FAAH2: variants seen among roughly 807,000 people sequenced by gnomAD.
FAAH2 encodes fatty acid amide hydrolase 2.
Under a neutral mutation model 36.9 loss-of-function variants are expected in FAAH2, and 60 were observed. That is an observed-to-expected ratio of 1.63 (90% CI 1.32 to 2.02). FAAH2 has a LOEUF of 2.02. FAAH2 is among the 30% of genes most tolerant of loss of function. The pLI is 0.00. For synonymous variants in FAAH2, 214 were observed against 143.8 expected (o/e 1.49, Z -3.49); for missense variants, 689 against 397.5 (o/e 1.73, Z -6.23).
chrX:57,223,880 T>C, the FAAH2 span, among the ~76,000 whole-genome samples: 1 of 111,587 alleles, frequency 9.0e-6, no homozygotes, highest in South Asian at 3.7e-4. Flanking sequence ...CATCCTTAGG[T>C]ATAAAATGGG....
At chrX:57,292,387 T>C (rs1193657441) in intron 1 of FAAH2, 111 bp from the exon 2 acceptor site, 2 of 665,292 alleles carry the variant, frequency 3.0e-6, no homozygotes, top group East Asian at 7.1e-5. Context: ...TGTAATTCAC[T>C]GAAAGTGTCT....
intron 7 of FAAH2, among the ~76,000 whole-genome samples, chrX:57,419,059 A>C (rs1349306318): frequency 9.4e-6 from 1 of 106,358 alleles, no homozygotes; most frequent in Non-Finnish European, 1.9e-5. Flanking sequence ...ATCATTTTTT[A>C]TGGCTGCATA....
At chrX:57,473,245 CA>C (rs1459691621) in intron 10 of FAAH2, among the ~76,000 whole-genome samples, 2 of 110,998 alleles carry the variant, frequency 1.8e-5, no homozygotes, top group East Asian at 5.6e-4. Flanking sequence ...TTATACACTT[CA>C]ATTTTTTTTA....
intron 7 of FAAH2, among the ~76,000 whole-genome samples, chrX:57,416,263 G>T (rs949460066): frequency 1.1e-4 from 12 of 111,459 alleles, no homozygotes; most frequent in African/African-American, 3.6e-4. Flanking sequence ...ATTTGATCCT[G>T]TCATTATGAA....
intron 3 of FAAH2, among the ~76,000 whole-genome samples, chrX:57,326,336 C>T (rs1301478780): frequency 8.8e-6 from 1 of 113,929 alleles, no homozygotes; most frequent in Non-Finnish European, 1.9e-5. Flanking sequence ...GTGGAGAGTT[C>T]TGTAGGTGTC....
At chrX:57,300,720 G>C (rs1163306172) in intron 2 of FAAH2, among the ~76,000 whole-genome samples, 1 of 111,614 alleles carries the variant, frequency 9.0e-6, no homozygotes, top group Non-Finnish European at 1.9e-5. Context: ...ATCTGACAAA[G>C]GGCTAATATC....
At chrX:57,286,448 G>C (rs773157541), upstream of FAAH2, among the ~76,000 whole-genome samples, 2 of 111,486 alleles carry the variant, frequency 1.8e-5, no homozygotes, top group South Asian at 7.6e-4. Context: ...CTTTGATATA[G>C]GAGTAGTTAT....
At chrX:57,340,357 A>G (rs1290747884) in intron 4 of FAAH2, among the ~76,000 whole-genome samples, 2 of 111,862 alleles carry the variant, frequency 1.8e-5, no homozygotes, top group South Asian at 3.8e-4. Flanking sequence ...CTCCTTTGCA[A>G]CACTCTCACA....
intron 4 of FAAH2, among the ~76,000 whole-genome samples, chrX:57,334,016 G>A (rs2053476916): frequency 9.0e-6 from 1 of 110,873 alleles, no homozygotes; most frequent in African/African-American, 3.3e-5. Context: ...ATAAGAGATG[G>A]GAGTCCACTT....
At chrX:57,426,514 T>C (rs1204735639) in intron 7 of FAAH2, among the ~76,000 whole-genome samples, 1 of 111,749 alleles carries the variant, frequency 8.9e-6, no homozygotes, top group African/African-American at 3.2e-5. Context: ...AAAACAAGCC[T>C]CAATAAGTTT....
At chrX:57,393,606 G>A (rs1364398571) in intron 7 of FAAH2, 3 of 884,022 alleles carry the variant, frequency 3.4e-6, no homozygotes, top group South Asian at 2.0e-5. Context: ...TCCTTCATAA[G>A]CACTATCAAT....
the FAAH2 span, among the ~76,000 whole-genome samples, chrX:57,165,853 C>A: frequency 9.0e-6 from 1 of 110,618 alleles, no homozygotes; most frequent in Admixed American, 9.6e-5. Flanking sequence ...TGCCTGCAGA[C>A]CTAAGTGAGG....
In FAAH2 at chrX:57,448,695, G is replaced by A. The variant is rs2056729789; in HGVS notation, c.1400G>A (p.Arg467Gln). 4 of 1,208,667 alleles carry A rather than the reference G, an allele frequency of 3.3e-6. No homozygotes were observed. The highest frequency in any genetic ancestry group is 1.7e-5 in the African/African-American group (1 of 57,593). The change falls in exon 10 of 11, where the codon CGG becomes CAG. Residue 467 changes from arginine (R) to glutamine (Q), a missense_variant. Physicochemically the swap from Arg to Gln is conservative, Grantham distance 43. Transcript: ENST00000374900. ...VAPKHHVPLT[R>Q]PFNFAYTGVF... ...CCTAAGCATCATGTCCCTCTAACAC[G>A]GCCTTTCAACTTTGCTTACACAGGT...
At chrX:57,417,742 G>A (rs1602591160) in intron 7 of FAAH2, among the ~76,000 whole-genome samples, 1 of 111,961 alleles carries the variant, frequency 8.9e-6, no homozygotes, top group Non-Finnish European at 1.9e-5. Context: ...CTGTCTCTTA[G>A]CAGAGCTCTA....
the FAAH2 span, among the ~76,000 whole-genome samples, chrX:57,185,863 C>T: frequency 1.8e-5 from 2 of 110,664 alleles, no homozygotes; most frequent in African/African-American, 6.6e-5. Context: ...CAGCTTCATC[C>T]ATATCCCTGC....
the FAAH2 span, among the ~76,000 whole-genome samples, chrX:57,195,253 C>A: frequency 9.0e-6 from 1 of 111,657 alleles, no homozygotes; most frequent in Non-Finnish European, 1.9e-5. Flanking sequence ...TTCCTTTTCA[C>A]CACATCCACA....
the FAAH2 span, among the ~76,000 whole-genome samples, chrX:57,174,504 T>C: frequency 1.8e-5 from 2 of 112,106 alleles, no homozygotes; most frequent in African/African-American, 6.5e-5. Flanking sequence ...ACATAGCTAA[T>C]GGTCTACCAA....
At chrX:57,155,930 G>A in the FAAH2 span, among the ~76,000 whole-genome samples, 32 of 111,843 alleles carry the variant, frequency 2.9e-4, no homozygotes, top group Admixed American at 1.4e-3. Flanking sequence ...TCCTTCTCCC[G>A]TGATCTAGAC....
chrX:57,262,022 A>C, the FAAH2 span, among the ~76,000 whole-genome samples: 1 of 110,247 alleles, frequency 9.1e-6, no homozygotes, highest in African/African-American at 3.3e-5. Flanking sequence ...TCATCAACTG[A>C]GTCAAATAAT....
Sources: allele counts gnomAD v4.1 joint callset (sites outside exome capture counted in the v4.1 genomes callset), GRCh38; gene constraint gnomAD v4.1.1; transcripts MANE v1.5; gene names NCBI Gene and HGNC (gene_info 2026-07-23, HGNC 2026-07-21).